Variants in DST observed in about 807,000 individuals in gnomAD.
DST encodes the protein dystonin, also known as bullous pemphigoid antigen.
A neutral mutation model predicts 875.2 loss-of-function variants in DST; 253 were observed. The ratio of observed to expected loss-of-function variants is 0.29; its 90% confidence interval spans 0.26 to 0.32. The LOEUF (loss-of-function observed/expected upper bound fraction) is 0.32. Among genes scored for constraint, DST ranks in the 10% least tolerant of loss-of-function variants. DST has a pLI of 1.00. For synonymous variants in DST, 3,124 were observed against 3,197.1 expected (o/e 0.98, Z 0.77); for missense variants, 8,287 against 9,111.6 (o/e 0.91, Z 3.68).
At chr6:56,530,252 A>T in intron 64 of DST, 119 bp from the exon 65 acceptor site, 1 of 728,040 alleles carries the variant, frequency 1.4e-6, no homozygotes, top group East Asian at 3.1e-5. Context: ...ATCTAAGGTT[A>T]CAATTTAAAT....
At position 56,553,654 on chromosome 6, in the gene DST, C is replaced by A. The variant is rs1218645978; in HGVS notation, c.15138G>T (p.Glu5046Asp). ...KSFKDVEQKA[E>D]NHVQHLQSAC... ...CCGACTGAAGGTGCTGGACATGATT[C>A]TCTAGAAATAAAATTACAAGATATG... The change falls in exon 61 of 104, where the codon GAG (glutamate) becomes GAT (aspartate). Residue 5046 changes from glutamate to aspartate, a missense_variant and splice_region_variant. Around this residue, in one of 10 missense-constraint regions of DST, gnomAD observed 1,513 missense variants for 1,677.8 expected, o/e 0.90. Coordinates refer to ENST00000680361, the MANE Select transcript of DST (RefSeq NM_001374736.1). 8 of 1,606,982 alleles carry A rather than the reference C, an allele frequency of 5.0e-6. No homozygotes were observed. The highest frequency in any genetic ancestry group is 6.8e-6 in the Non-Finnish European group (8 of 1,178,146).
At chr6:56,719,020 A>C (rs190355974) in intron 5 of DST, among the ~76,000 whole-genome samples, 1 of 152,346 alleles carries the variant, frequency 6.6e-6, no homozygotes, top group Admixed American at 6.5e-5. Context: ...TGTTCAATTA[A>C]GCACTTAAAT....
chr6:56,840,399 C>T (rs947121122), intron 4 of DST, among the ~76,000 whole-genome samples: 7 of 152,044 alleles, frequency 4.6e-5, no homozygotes, highest in Non-Finnish European at 1.0e-4. Flanking sequence ...CTAGCCTAAA[C>T]AATAATAAAG....
At chr6:56,950,243 A>G (rs1821647986) in intron 2 of DST, among the ~76,000 whole-genome samples, 1 of 152,186 alleles carries the variant, frequency 6.6e-6, no homozygotes, top group African/African-American at 2.4e-5. Context: ...ATTGGTAGAT[A>G]TAGAACACAC....
intron 3 of DST, among the ~76,000 whole-genome samples, chr6:56,867,694 G>A (rs2127602214): frequency 1.3e-5 from 2 of 152,216 alleles, no homozygotes; most frequent in Middle Eastern, 6.8e-3. Context: ...AGGTATGGTG[G>A]TGCACAGCCG....
chr6:56,501,398 T>TGGTTAA (rs2096119205), intron 79 of DST, 122 bp downstream of exon 79: 2 of 1,139,984 alleles, frequency 1.8e-6, no homozygotes, highest in Non-Finnish European at 2.4e-6. Flanking sequence ...TTGACGCTCC[T>TGGTTAA]CATGGTTAAA....
chr6:56,658,065 C>T (rs1324715573), intron 10 of DST, among the ~76,000 whole-genome samples: 9 of 150,926 alleles, frequency 6.0e-5, no homozygotes, highest in Admixed American at 2.6e-4. Flanking sequence ...TGCGCCTGGC[C>T]GTAATTCTTT....
chr6:56,808,318 T>C (rs1006780895), intron 4 of DST, among the ~76,000 whole-genome samples: 10 of 151,514 alleles, frequency 6.6e-5, no homozygotes, highest in African/African-American at 1.9e-4. Context: ...CAAAAGTCTA[T>C]AGGAATCGTT....
chr6:56,544,621 G>C (rs757243897), intron 61 of DST, among the ~76,000 whole-genome samples: 1 of 152,184 alleles, frequency 6.6e-6, no homozygotes, highest in Non-Finnish European at 1.5e-5. Flanking sequence ...ACACTAGAAT[G>C]GGAATGTGAA....
chr6:56,639,896 A>G (rs1160096155), intron 19 of DST, 33 bp downstream of exon 19: 8 of 1,606,376 alleles, frequency 5.0e-6, no homozygotes, highest in Non-Finnish European at 6.8e-6. Context: ...AGTAAACTAA[A>G]ATGAAATATA....
chr6:56,788,179 A>G (rs2099709074), intron 4 of DST, among the ~76,000 whole-genome samples: 1 of 146,242 alleles, frequency 6.8e-6, no homozygotes, highest in South Asian at 2.1e-4. Flanking sequence ...ACATTTAATT[A>G]TAGCAAGTAT....
chr6:56,843,686 G>A, intron 4 of DST: 3 of 980,394 alleles, frequency 3.1e-6, no homozygotes, highest in East Asian at 2.3e-4. Flanking sequence ...ACTCGCCCGC[G>A]CCGGGGAGAG....
rs1244278495 is a variant in DST at position 56,508,553 on chromosome 6, T to A, written c.19215A>T (p.Val6405=). 1 of 1,613,800 alleles carries A rather than the reference T, an allele frequency of 6.2e-7. No individual in the cohort carries two copies. Among genetic ancestry groups the A allele is most frequent in the East Asian group, 2.2e-5 (1 of 44,876 alleles). The change falls in exon 75 of 104, where the codon GTA becomes GTT. Residue 6405 remains valine, a synonymous_variant. Coordinates refer to ENST00000680361, the MANE Select transcript of DST (RefSeq NM_001374736.1). The part of the protein sequence containing the change: ...LEDPGIDPSV[V]KQQQEAAETI... ...CCTCTGCTGCTTCTTGCTGTTGTTT[T>A]ACTACTGAAGGATCAATTCCAGGAT... is the stretch of plus-strand genomic sequence containing the variant.
chr6:56,749,843 T>TCACATGGCC (rs1370628648), intron 4 of DST, among the ~76,000 whole-genome samples: 2 of 152,186 alleles, frequency 1.3e-5, no homozygotes, highest in Non-Finnish European at 2.9e-5. Flanking sequence ...TTGTTCATAA[T>TCACATGGCC]CACATGGCCT....
chr6:56,615,901 T>G, intron 36 of DST: 9 of 1,614,208 alleles, frequency 5.6e-6, no homozygotes, highest in Non-Finnish European at 7.6e-6. Context: ...CTGTGATTAC[T>G]AATTCACACT....
rs1046242064 is a variant in DST, at chr6:56,800,526, T to C, written c.625+50871A>G. Among the ~76,000 whole-genome samples, 80 of 152,154 alleles carry C rather than the reference T, an allele frequency of 5.3e-4. 1 individual carries two copies. The highest frequency in any genetic ancestry group is 1.6e-4 in the Non-Finnish European group (11 of 68,024). On this transcript the variant is annotated intron_variant, in intron 4 of 103. Transcript: ENST00000680361. ...TCCCCAATCTCCATGGTGCCTCTGA[T>C]ATCCTAGGATGAGAACATCCCCAGC...
rs181740188 is a variant in DST at position 56,486,425 on chromosome 6, G to A, written c.21047+679C>T. ...AACTAACATGACAAAAACTTACTGT[G>A]AGTTCCCCAGAACTGAATATAATCT... is the stretch of plus-strand genomic sequence containing the variant. On this transcript the variant is annotated intron_variant, in intron 87 of 103. Transcript: ENST00000680361. 9.2e-4 allele frequency among the ~76,000 whole-genome samples: 135 copies of A among 147,078 alleles called. 2 individuals carry two copies. Among genetic ancestry groups the A allele is most frequent in the Non-Finnish European group, 3.8e-4 (25 of 65,788 alleles).
intron 49 of DST, among the ~76,000 whole-genome samples, chr6:56,583,775 A>C (rs2098080502): frequency 6.6e-6 from 1 of 152,184 alleles, no homozygotes; most frequent in Non-Finnish European, 1.5e-5. Context: ...ATTTTTGTAT[A>C]AGGTGTAAGG....
chr6:56,635,159 A>G (rs571250556), intron 24 of DST, among the ~76,000 whole-genome samples: 20 of 152,142 alleles, frequency 1.3e-4, no homozygotes, highest in African/African-American at 4.8e-4. Context: ...TGGCATTTAC[A>G]CTACCTAACA....
Sources: allele counts gnomAD v4.1 joint callset (sites outside exome capture counted in the v4.1 genomes callset), GRCh38; gene constraint gnomAD v4.1.1; regional missense constraint gnomAD v4.1.1; transcripts MANE v1.5; gene names NCBI Gene and HGNC (gene_info 2026-07-23, HGNC 2026-07-21).